The following RFT1 variants were observed in gnomAD, a reference collection of about 807,000 sequenced individuals.
The protein encoded by RFT1 is man(5)GlcNAc(2)-PP-dolichol translocation protein RFT1.
A neutral mutation model predicts 62.2 loss-of-function variants in RFT1; 43 were observed. The observed-to-expected ratio is 0.69, with a 90% CI of 0.54 to 0.89. The LOEUF (loss-of-function observed/expected upper bound fraction) is 0.89, where lower values mean the gene tolerates loss of function less well. Ranked by LOEUF, RFT1 falls within the 40% of genes least tolerant of loss-of-function variation. RFT1 has a pLI of 0.00. For missense variants in RFT1, 605 were observed against 649.9 expected (o/e 0.93, Z 0.75); for synonymous variants, 262 against 264.6 (o/e 0.99, Z 0.10).
chr3:53,075,970 G>A, the RFT1 span, among the ~76,000 whole-genome samples: 1 of 152,330 alleles, frequency 6.6e-6, no homozygotes, highest in East Asian at 1.9e-4. Flanking sequence ...AGAGAAAAGT[G>A]GGGCTGGCTC....
the RFT1 span, among the ~76,000 whole-genome samples, chr3:53,069,620 CA>C: frequency 6.6e-6 from 1 of 152,162 alleles, no homozygotes; most frequent in Non-Finnish European, 1.5e-5. Flanking sequence ...GACAAATTCC[CA>C]TTGAAGAGAG....
chr3:53,121,140 A>G (rs967110143), intron 5 of RFT1, among the ~76,000 whole-genome samples: 1 of 152,256 alleles, frequency 6.6e-6, no homozygotes, highest in African/African-American at 2.4e-5. Context: ...TTTTATTAGA[A>G]CCAGAAATAT....
chr3:53,090,016 G>A lies in RFT1; in HGVS notation c.*1887C>T, dbSNP rs1480946480. ...TGGGCCTGTCACGAAGGAAGACAAT[G>A]GGGCATGCCAACCTTGGTGGCATCA... On this transcript the variant is annotated 3_prime_UTR_variant, in exon 13 of 13. Coordinates refer to ENST00000296292, the MANE Select transcript of RFT1 (RefSeq NM_052859.4). 2 of 152,750 alleles carry A rather than the reference G, an allele frequency of 1.3e-5. No homozygotes were observed. The highest frequency in any genetic ancestry group is 2.9e-5 in the Non-Finnish European group (2 of 68,126). The allele number at this position is 152,750 out of a possible 1,614,324, so 9.5% of individuals were successfully genotyped here.
At chr3:53,122,245 C>G in intron 4 of RFT1, 129 bp downstream of exon 4, 1 of 923,384 alleles carries the variant, frequency 1.1e-6, no homozygotes, top group Non-Finnish European at 1.7e-6. Context: ...ACCATGTTAT[C>G]TTTTTCTAAA....
chr3:53,119,719 T>C (rs1283876386), intron 6 of RFT1, among the ~76,000 whole-genome samples, 165 bp downstream of exon 6: 1 of 152,206 alleles, frequency 6.6e-6, no homozygotes, highest in Non-Finnish European at 1.5e-5. Flanking sequence ...ATGTCCACAG[T>C]GCAAAGATTT....
At position 53,119,950 on chromosome 3, in the gene RFT1, T is replaced by C; in HGVS notation, c.630A>G (p.Ser210=). ...YFTKLLGSPE[S]TKLQTLPVSR... is the part of the protein sequence containing the mutation. ...AGACAGGAAGAGTTTGAAGCTTGGTTGATTCTGGGGAACCCAGTAACTTTG... is the reference window on the plus strand; with the variant it reads ...AGACAGGAAGAGTTTGAAGCTTGGTCGATTCTGGGGAACCCAGTAACTTTG... The change falls in exon 6 of 13, where the codon TCA becomes TCG. Residue 210 remains serine (S), a synonymous_variant. Transcript: ENST00000296292. 6.2e-7 allele frequency: 1 copy of C among 1,613,194 alleles called. No homozygotes were observed. The highest frequency in any genetic ancestry group is 8.5e-7 in the Non-Finnish European group (1 of 1,179,538).
At chr3:53,069,913 T>G in the RFT1 span, among the ~76,000 whole-genome samples, 1 of 152,226 alleles carries the variant, frequency 6.6e-6, no homozygotes, top group South Asian at 2.1e-4. Flanking sequence ...AGGAGGGAAA[T>G]GTTTGGCTTT....
chr3:53,093,444 G>A (rs1317917103), intron 11 of RFT1, among the ~76,000 whole-genome samples: 1 of 152,194 alleles, frequency 6.6e-6, no homozygotes, highest in South Asian at 2.1e-4. Flanking sequence ...CAAAAGGCTT[G>A]TACAGCCAAG....
At chr3:53,083,356 T>TAAAA in the RFT1 span, among the ~76,000 whole-genome samples, 1 of 138,064 alleles carries the variant, frequency 7.2e-6, no homozygotes, top group African/African-American at 2.8e-5. Context: ...TACTAAAAAT[T>TAAAA]AAAAAAAAAA....
intron 6 of RFT1, among the ~76,000 whole-genome samples, chr3:53,113,981 T>C (rs2107141288): frequency 6.6e-6 from 1 of 152,358 alleles, no homozygotes; most frequent in South Asian, 2.1e-4. Flanking sequence ...CTAGAGCAGA[T>C]GCCAGGTTAT....
chr3:53,102,855 T>C (rs997274269), intron 10 of RFT1, among the ~76,000 whole-genome samples: 2 of 152,190 alleles, frequency 1.3e-5, no homozygotes, highest in African/African-American at 2.4e-5. Context: ...AGCCCCCTCC[T>C]TGAGGCAACG....
chr3:53,113,856 G>A (rs1313270539), intron 6 of RFT1, among the ~76,000 whole-genome samples: 3 of 152,152 alleles, frequency 2.0e-5, no homozygotes, highest in African/African-American at 7.2e-5. Context: ...TGAAAGCAAG[G>A]ATCACTTCTA....
chr3:53,086,943 A>T (rs1371626693), downstream of RFT1, among the ~76,000 whole-genome samples: 1 of 152,252 alleles, frequency 6.6e-6, no homozygotes, highest in East Asian at 1.9e-4. Context: ...GGAGTGTGTA[A>T]ATATGTGAAG....
At chr3:53,083,250 G>T in the RFT1 span, among the ~76,000 whole-genome samples, 1 of 140,908 alleles carries the variant, frequency 7.1e-6, no homozygotes, top group South Asian at 2.4e-4. Flanking sequence ...AGTGGCTCAC[G>T]CCTGTAATCC....
At chr3:53,127,188 G>A (rs1032641849) in intron 1 of RFT1, among the ~76,000 whole-genome samples, 5 of 148,826 alleles carry the variant, frequency 3.4e-5, no homozygotes, top group South Asian at 2.2e-4. Flanking sequence ...AGGCCGAGGC[G>A]GGTGGATCAA....
chr3:53,122,120 TA>T (rs1230527933), intron 4 of RFT1, among the ~76,000 whole-genome samples: 6 of 152,252 alleles, frequency 3.9e-5, no homozygotes, highest in African/African-American at 1.4e-4. Context: ...ACGGTCCTTC[TA>T]AATTCTGACT....
intron 8 of RFT1, 39 bp from the exon 9 acceptor site, chr3:53,105,842 T>C (rs1170371901): frequency 1.8e-5 from 29 of 1,582,180 alleles, no homozygotes; most frequent in Non-Finnish European, 1.6e-5. Flanking sequence ...TCATGTTGGT[T>C]TTTCTATTTT....
the RFT1 span, among the ~76,000 whole-genome samples, chr3:53,071,353 G>A: frequency 2.0e-5 from 3 of 152,182 alleles, no homozygotes; most frequent in Admixed American, 6.5e-5. Context: ...GGACCCCTGC[G>A]CTAATGAGAG....
At position 53,106,391 on chromosome 3, in the gene RFT1, AACAGTACTTTCTTAT is replaced by A. The variant is rs150697488; in HGVS notation, c.826+413_826+427del. ...AGTCAAGATACAGAATGCTTCCATC[AACAGTACTTTCTTAT>A]ACAGGTCATTAATGCAAAGTTGATG... is the stretch of plus-strand genomic sequence containing the variant. On this transcript the variant is annotated intron_variant, in intron 8 of 12. Transcript: ENST00000296292. 1.6e-3 allele frequency among the ~76,000 whole-genome samples: 248 copies of A among 152,334 alleles called. 3 individuals are homozygous for A. The highest frequency in any genetic ancestry group is 5.7e-3 in the African/African-American group (239 of 41,574).
Sources: gnomAD v4.1 joint callset for allele counts (sites outside exome capture counted in the v4.1 genomes callset) on GRCh38, gnomAD v4.1.1 for gene constraint, MANE v1.5 for transcripts, NCBI Gene and HGNC (gene_info 2026-07-23, HGNC 2026-07-21) for gene names.